Variants in CDC25A observed in about 807,000 individuals in gnomAD.
CDC25A encodes M-phase inducer phosphatase 1.
CDC25A carries 17 observed loss-of-function variants against 64.6 expected under a neutral mutation model. That is an observed-to-expected ratio of 0.26 (90% CI 0.18 to 0.39). The LOEUF (loss-of-function observed/expected upper bound fraction) is 0.39, where lower values mean the gene tolerates loss of function less well. Among genes scored for constraint, CDC25A ranks in the 10% least tolerant of loss-of-function variants. The pLI is 1.00. For synonymous variants in CDC25A, 229 were observed against 238.6 expected (o/e 0.96, Z 0.37); for missense variants, 473 against 654.8 (o/e 0.72, Z 3.03).
At chr3:48,170,117 A>G (rs968663127) in intron 9 of CDC25A, among the ~76,000 whole-genome samples, 1 of 152,144 alleles carries the variant, frequency 6.6e-6, no homozygotes, top group Non-Finnish European at 1.5e-5. Context: ...TCCCTCACTC[A>G]ACAGCAACAG....
At position 48,158,540 on chromosome 3, in the gene CDC25A, C is replaced by A. The variant is rs1338849906; in HGVS notation, c.*405G>T. ...AAACATATGGATTATCCCACAAAGA[C>A]CTTTCCTTCCCAGGTTGTCTTTGCT... On this transcript the variant is annotated 3_prime_UTR_variant, in exon 15 of 15. Transcript: ENST00000302506. 1 of 163,476 alleles carries A rather than the reference C, an allele frequency of 6.1e-6. No individual in the cohort carries two copies. Among genetic ancestry groups the A allele is most frequent in the Non-Finnish European group, 1.3e-5 (1 of 75,168 alleles). 10.1% of individuals were successfully genotyped at this position (163,476 alleles called of 1,614,324 possible).
intron 6 of CDC25A, among the ~76,000 whole-genome samples, chr3:48,178,786 TCTA>T (rs1426578527): frequency 2.0e-5 from 3 of 152,152 alleles, no homozygotes; most frequent in African/African-American, 7.2e-5. Context: ...TTGGGAAACC[TCTA>T]AACATGGAAT....
chr3:48,166,766 T>C (rs2032042044), intron 10 of CDC25A, among the ~76,000 whole-genome samples: 1 of 152,090 alleles, frequency 6.6e-6, no homozygotes, highest in Non-Finnish European at 1.5e-5. Context: ...CCACTGAGTG[T>C]GGTGGTGCAT....
chr3:48,167,748 A>G (rs2032084668), intron 10 of CDC25A, 98 bp downstream of exon 10: 2 of 710,324 alleles, frequency 2.8e-6, no homozygotes, highest in African/African-American at 3.5e-5. Flanking sequence ...TTTTGGAGGT[A>G]TGCCAGGAAC....
In CDC25A at chr3:48,188,394, C is replaced by T. The variant is rs559957398; in HGVS notation, c.-447G>A. 99 of 157,252 alleles carry T rather than the reference C, an allele frequency of 6.3e-4. No individual in the cohort carries two copies. The highest frequency in any genetic ancestry group is 3.2e-3 in the Middle Eastern group (1 of 314). The allele number at this position is 157,252 out of a possible 1,614,324, so 9.7% of individuals were successfully genotyped here. The stretch of plus-strand genomic sequence containing the variant: ...CCCAGGCTGTCGCAGCCAGGCCGGC[C>T]TTTCGCGGTAATAGCGGCTCAGTGG... On this transcript the variant is annotated 5_prime_UTR_variant, in exon 1 of 15. Transcript: ENST00000302506.
intron 14 of CDC25A, 114 bp from the exon 15 acceptor site, chr3:48,159,199 A>C: frequency 7.3e-7 from 1 of 1,375,096 alleles, no homozygotes; most frequent in South Asian, 1.3e-5. Context: ...CTAGGGAGCC[A>C]GTTCTACAGG....
chr3:48,188,041 A>G lies in CDC25A; in HGVS notation c.-94T>C. 1.9e-6 allele frequency: 2 copies of G among 1,053,912 alleles called. No homozygotes were observed. Among genetic ancestry groups the G allele is most frequent in the Non-Finnish European group, 2.4e-6 (2 of 826,846 alleles). The allele number at this position is 1,053,912 out of a possible 1,614,324, so 65.3% of individuals were successfully genotyped here. On this transcript the variant is annotated 5_prime_UTR_variant, in exon 1 of 15. Transcript: ENST00000302506. The stretch of plus-strand genomic sequence containing the variant: ...CCGACACCGGCCTCGGCCGCGCGCC[A>G]CCGGCGCCCGCGGGTCAAACACAAA...
chr3:48,164,532 G>A (rs1048512877), intron 12 of CDC25A, 95 bp from the exon 13 acceptor site: 3 of 1,198,218 alleles, frequency 2.5e-6, no homozygotes, highest in African/African-American at 1.6e-5. Flanking sequence ...TGATCTTTAA[G>A]TCCACAAGAC....
intron 13 of CDC25A, among the ~76,000 whole-genome samples, chr3:48,163,509 CAGG>C (rs1233686681): frequency 4.6e-5 from 7 of 151,790 alleles, no homozygotes; most frequent in African/African-American, 1.2e-4. Flanking sequence ...GAGGCTGAGG[CAGG>C]AGAACTGCTT....
At chr3:48,169,165 A>G (rs967904138) in intron 9 of CDC25A, among the ~76,000 whole-genome samples, 2 of 152,204 alleles carry the variant, frequency 1.3e-5, no homozygotes, top group African/African-American at 4.8e-5. Flanking sequence ...AAAGAGATCC[A>G]ATATTCATCC....
chr3:48,179,152 G>A (rs543437404), intron 6 of CDC25A, among the ~76,000 whole-genome samples: 1 of 152,122 alleles, frequency 6.6e-6, no homozygotes, highest in Admixed American at 6.5e-5. Flanking sequence ...TCCTCCCCAA[G>A]TGCACACTCT....
intron 9 of CDC25A, among the ~76,000 whole-genome samples, chr3:48,169,158 G>C (rs1042851163): frequency 7.9e-5 from 12 of 152,194 alleles, no homozygotes; most frequent in African/African-American, 2.7e-4. Flanking sequence ...GGCAAATAAA[G>C]AGATCCAATA....
chr3:48,159,928 C>A (rs1375141708), intron 13 of CDC25A, among the ~76,000 whole-genome samples: 2 of 152,114 alleles, frequency 1.3e-5, no homozygotes, highest in African/African-American at 4.8e-5. Context: ...CAATATCCAG[C>A]CAATGGCTGC....
Position 48,183,016 on chromosome 3 carries a change from T to A in CDC25A, c.342A>T (p.Gly114=). The change falls in exon 5 of 15, where the codon GGA becomes GGT. Residue 114 remains glycine (G), a synonymous_variant. Coordinates refer to ENST00000302506, the MANE Select transcript of CDC25A (RefSeq NM_001789.3). ...RIHSLPQKLL[G]CSPALKRSHS... ...GGCTCCTCTTCAGAGCTGGACTACA[T>A]CCCAACAGCTTCTGCTATCAAAGTA... is the stretch of plus-strand genomic sequence containing the variant. 2 of 1,608,682 alleles carry A rather than the reference T, an allele frequency of 1.2e-6. No homozygotes were observed. Among genetic ancestry groups the A allele is most frequent in the Non-Finnish European group, 1.7e-6 (2 of 1,175,408 alleles).
chr3:48,179,461 T>C (rs187742660), intron 6 of CDC25A, among the ~76,000 whole-genome samples: 2 of 152,278 alleles, frequency 1.3e-5, no homozygotes, highest in African/African-American at 4.8e-5. Context: ...CCTCGAATTC[T>C]TGGGCTCAAG....
chr3:48,176,184 A>AAAAC, intron 8 of CDC25A, among the ~76,000 whole-genome samples: 1 of 152,272 alleles, frequency 6.6e-6, no homozygotes, highest in South Asian at 2.1e-4. Context: ...AAAACAAAAC[A>AAAAC]AAACAAACAA....
intron 13 of CDC25A, 55 bp from the exon 14 acceptor site, chr3:48,159,510 G>T: frequency 8.5e-7 from 1 of 1,180,920 alleles, no homozygotes; most frequent in Non-Finnish European, 1.3e-6. Flanking sequence ...ACAGCAACAA[G>T]GCAACGCAGT....
chr3:48,176,068 T>C lies in CDC25A; in HGVS notation c.756+1303A>G, dbSNP rs184432032. 2.5e-3 allele frequency among the ~76,000 whole-genome samples: 382 copies of C among 152,308 alleles called. 1 individual carries two copies. The highest frequency in any genetic ancestry group is 8.5e-3 in the African/African-American group (353 of 41,566). The stretch of plus-strand genomic sequence containing the variant: ...CTGTAGTCCCAGCTACTCAGAAGGC[T>C]GAGCCAGAAGAAGCACTTGAACCCA... On this transcript the variant is annotated intron_variant, in intron 8 of 14. Coordinates refer to ENST00000302506, the MANE Select transcript of CDC25A (RefSeq NM_001789.3).
intron 6 of CDC25A, among the ~76,000 whole-genome samples, chr3:48,178,614 G>A (rs1465039356): frequency 2.6e-5 from 4 of 152,028 alleles, no homozygotes; most frequent in Admixed American, 2.6e-4. Flanking sequence ...TTTTTCTTTA[G>A]CAAATCAGGA....
Sources: allele counts gnomAD v4.1 joint callset (sites outside exome capture counted in the v4.1 genomes callset), GRCh38; gene constraint gnomAD v4.1.1; transcripts MANE v1.5; gene names NCBI Gene and HGNC (gene_info 2026-07-23, HGNC 2026-07-21).